Variants in ITPR2 observed in about 807,000 individuals in gnomAD.
ITPR2 encodes inositol 1,4,5-trisphosphate-gated calcium channel ITPR2.
A neutral mutation model predicts 317.1 loss-of-function variants in ITPR2; 207 were observed. The observed-to-expected ratio is 0.65, with a 90% CI of 0.58 to 0.73. The LOEUF is 0.73. Ranked by LOEUF, ITPR2 falls within the 30% of genes least tolerant of loss-of-function variation. ITPR2 has a pLI of 0.00. For synonymous variants in ITPR2, 1,156 were observed against 1,149.1 expected (o/e 1.01, Z -0.12); for missense variants, 2,613 against 3,284.0 (o/e 0.80, Z 4.99).
intron 2 of ITPR2, among the ~76,000 whole-genome samples, chr12:26,740,897 A>G (rs971604585): frequency 6.6e-6 from 1 of 152,238 alleles, no homozygotes; most frequent in Non-Finnish European, 1.5e-5. Flanking sequence ...AAATAAGAAA[A>G]GCTTACTCTA....
In ITPR2 at chr12:26,655,814, T is replaced by G. The variant is rs1302644165; in HGVS notation, c.2483A>C (p.Lys828Thr). The G allele has an allele frequency of 6.2e-7, 1 of 1,612,248 alleles. No homozygotes were observed. The highest frequency in any genetic ancestry group is 1.1e-5 in the South Asian group (1 of 91,042). The change falls in exon 20 of 57, where the codon AAG becomes ACG. Residue 828 changes from lysine to threonine, a missense_variant. Around this residue, in one of 9 missense-constraint regions of ITPR2, gnomAD observed 817 missense variants for 897.6 expected, o/e 0.91. Coordinates refer to ENST00000381340, the MANE Select transcript of ITPR2 (RefSeq NM_002223.4). ...SITDSSRNDM[K>T]RKFALTMEFV... ...TTCCATTGTCAGGGCAAATTTCCTC[T>G]TCATATCATTTCTGGAAGAGTCTGT...
Position 26,784,307 on chromosome 12 carries a change from C to G in ITPR2, c.163+5850G>C, listed in dbSNP as rs61920579. Among the ~76,000 whole-genome samples the G allele has an allele frequency of 4.0e-3, 84 of 20,844 alleles. 8 individuals are homozygous for G. Among genetic ancestry groups the G allele is most frequent in the South Asian group, 0.019 (9 of 470 alleles). 13.7% of individuals were successfully genotyped at this position (20,844 alleles called of 152,430 possible). A position where few individuals can be genotyped will look rare whatever the true frequency, so the allele number is the denominator to read the frequency against. ...TCCCTCTCCCTCTCCCTCTCCCTCT[C>G]CCTCTCCCTCTGCCTCTCCCTCTCC... On this transcript the variant is annotated intron_variant, in intron 2 of 56. Coordinates refer to ENST00000381340, the MANE Select transcript of ITPR2 (RefSeq NM_002223.4).
chr12:26,814,511 G>A (rs1288010782), intron 1 of ITPR2, among the ~76,000 whole-genome samples: 1 of 152,146 alleles, frequency 6.6e-6, no homozygotes, highest in Admixed American at 6.5e-5. Context: ...GTGGCACTTT[G>A]CAAGCTCTTC....
chr12:26,406,162 A>C (rs2136661068), intron 52 of ITPR2, among the ~76,000 whole-genome samples: 1 of 152,260 alleles, frequency 6.6e-6, no homozygotes, highest in East Asian at 1.9e-4. Flanking sequence ...TGGGAAGCCA[A>C]AATGTAGAAT....
At chr12:26,683,587 T>G (rs946936910) in intron 11 of ITPR2, among the ~76,000 whole-genome samples, 2 of 152,218 alleles carry the variant, frequency 1.3e-5, no homozygotes, top group African/African-American at 4.8e-5. Flanking sequence ...AAGGTGTATT[T>G]AAACAGAAGC....
intron 3 of ITPR2, 91 bp from the exon 4 acceptor site, chr12:26,724,833 A>C: frequency 1.3e-6 from 1 of 749,938 alleles, no homozygotes; most frequent in Non-Finnish European, 2.2e-6. Context: ...ACAAGACTAT[A>C]GCCAGGAATA....
At chr12:26,412,788 T>C (rs1183764740) in intron 51 of ITPR2, among the ~76,000 whole-genome samples, 3 of 152,066 alleles carry the variant, frequency 2.0e-5, no homozygotes, top group Non-Finnish European at 4.4e-5. Flanking sequence ...ACAATTTGTC[T>C]GACAAAAGGC....
chr12:26,624,037 A>T (rs915501022), intron 24 of ITPR2, among the ~76,000 whole-genome samples: 6 of 152,184 alleles, frequency 3.9e-5, no homozygotes, highest in African/African-American at 1.4e-4. Context: ...TCATTATTTG[A>T]GGAAAGAAAA....
chr12:26,631,484 T>C (rs1484420294), intron 22 of ITPR2, among the ~76,000 whole-genome samples: 3 of 152,240 alleles, frequency 2.0e-5, no homozygotes, highest in African/African-American at 7.2e-5. Context: ...ACATGTTCAA[T>C]TCAATTAAAA....
chr12:26,629,729 T>G (rs745996985), intron 22 of ITPR2, among the ~76,000 whole-genome samples: 6 of 152,110 alleles, frequency 3.9e-5, no homozygotes, highest in Non-Finnish European at 5.9e-5. Context: ...AGTCTCTCTC[T>G]TTCTCTTTCT....
intron 26 of ITPR2, among the ~76,000 whole-genome samples, chr12:26,603,730 T>C (rs921962113): frequency 6.6e-6 from 1 of 152,170 alleles, no homozygotes. Context: ...TACTTAGGCA[T>C]AAAGGATGTT....
chr12:26,360,372 G>T (rs1347430300), intron 55 of ITPR2, among the ~76,000 whole-genome samples: 1 of 152,158 alleles, frequency 6.6e-6, no homozygotes, highest in East Asian at 1.9e-4. Context: ...TTCGAGGTCC[G>T]CTGTTTTGCA....
intron 52 of ITPR2, among the ~76,000 whole-genome samples, chr12:26,410,151 G>A (rs1174073262): frequency 6.6e-6 from 1 of 152,140 alleles, no homozygotes. Flanking sequence ...TGAAGAAATC[G>A]GAGGTGTTTA....
At chr12:26,599,454 C>G (rs1460627343) in intron 29 of ITPR2, 109 bp from the exon 30 acceptor site, 38 of 969,878 alleles carry the variant, frequency 3.9e-5, no homozygotes, top group Non-Finnish European at 5.8e-5. Flanking sequence ...TTATACGAAG[C>G]CACAGTGAAT....
intron 13 of ITPR2, 111 bp from the exon 14 acceptor site, chr12:26,666,162 A>ATAGATAGATAGATAGATAGAT (rs34107444): frequency 0.17 from 67,386 of 398,620 alleles, 5,996 homozygotes; most frequent in East Asian, 0.32. Context: ...AGATAGATAG[A>ATAGATAGATAGATAGATAGAT]TTTTTTTTTA....
At chr12:26,568,015 T>TTATATATA (rs1945053837) in intron 34 of ITPR2, among the ~76,000 whole-genome samples, 1 of 84,942 alleles carries the variant, frequency 1.2e-5, no homozygotes, top group Admixed American at 1.5e-4. Flanking sequence ...ATTATATATA[T>TTATATATA]ATATATATAT....
chr12:26,513,055 C>A (rs1943397411), intron 37 of ITPR2, among the ~76,000 whole-genome samples: 1 of 152,040 alleles, frequency 6.6e-6, no homozygotes, highest in Non-Finnish European at 1.5e-5. Context: ...CTTGGCCAGG[C>A]TGATCTTGAA....
At chr12:26,793,080 T>A (rs1302202621) in intron 1 of ITPR2, among the ~76,000 whole-genome samples, 1 of 152,216 alleles carries the variant, frequency 6.6e-6, no homozygotes, top group Non-Finnish European at 1.5e-5. Context: ...GGGTTTATAG[T>A]AAACAATAAT....
chr12:26,483,370 A>T (rs975914272), intron 42 of ITPR2, among the ~76,000 whole-genome samples: 1 of 152,232 alleles, frequency 6.6e-6, no homozygotes, highest in Admixed American at 6.5e-5. Flanking sequence ...CCTTGTAGGG[A>T]TGCCAAAGGA....
Sources: gnomAD v4.1 joint callset for allele counts (sites outside exome capture counted in the v4.1 genomes callset) on GRCh38, gnomAD v4.1.1 for gene constraint, gnomAD v4.1.1 regional missense constraint, MANE v1.5 for transcripts, NCBI Gene and HGNC (gene_info 2026-07-23, HGNC 2026-07-21) for gene names.